FILIP1L: variants seen among roughly 807,000 people sequenced by gnomAD.
FILIP1L encodes the protein filamin A interacting protein 1 like.
FILIP1L carries 55 observed loss-of-function variants against 96.6 expected under a neutral mutation model. The ratio of observed to expected loss-of-function variants is 0.57; its 90% CI spans 0.46 to 0.71. The LOEUF (loss-of-function observed/expected upper bound fraction) is 0.71. Among genes scored for constraint, FILIP1L ranks in the 30% least tolerant of loss-of-function variants. The probability of loss-of-function intolerance (pLI) is 0.00; values close to 1 mark genes in which losing one functional copy is unlikely to be tolerated. For missense variants in FILIP1L, 1,304 were observed against 1,321.2 expected, an observed-to-expected ratio of 0.99 and a Z score of 0.20; for synonymous variants, 467 against 473.9, an observed-to-expected ratio of 0.99 and a Z score of 0.19.
intron 1 of FILIP1L, among the ~76,000 whole-genome samples, chr3:100,091,422 T>C (rs1576046623): frequency 6.6e-6 from 1 of 152,262 alleles, no homozygotes; most frequent in East Asian, 1.9e-4. Context: ...TTGGAAAGAC[T>C]CATGTTTTGT....
chr3:100,047,984 A>G (rs542608939), intron 1 of FILIP1L, among the ~76,000 whole-genome samples: 65 of 152,300 alleles, frequency 4.3e-4, no homozygotes, highest in African/African-American at 1.5e-3. Flanking sequence ...TAGTGTAAAT[A>G]TACCCTCCTA....
intron 1 of FILIP1L, among the ~76,000 whole-genome samples, chr3:100,076,695 G>C (rs1043137666): frequency 6.6e-6 from 1 of 152,150 alleles, no homozygotes; most frequent in Non-Finnish European, 1.5e-5. Flanking sequence ...CATGAATATT[G>C]TTTGACTTCA....
intron 1 of FILIP1L, among the ~76,000 whole-genome samples, chr3:100,062,087 C>A: frequency 1.3e-5 from 1 of 79,592 alleles, no homozygotes; most frequent in Non-Finnish European, 2.3e-5. Context: ...GTTATCCTGT[C>A]TTCTTCTTTT....
At chr3:99,973,939 G>A (rs114219857) in intron 1 of FILIP1L, among the ~76,000 whole-genome samples, 1,771 of 152,270 alleles carry the variant, frequency 0.012, 18 homozygotes, top group African/African-American at 0.026. Context: ...ATTGTTTTCT[G>A]TTTTATCCCA....
intron 1 of FILIP1L, among the ~76,000 whole-genome samples, chr3:100,112,743 C>T (rs1383616431): frequency 2.6e-5 from 4 of 152,154 alleles, no homozygotes; most frequent in African/African-American, 4.8e-5. Flanking sequence ...ACCTTAATTA[C>T]CCAGGTGGAA....
chr3:99,848,172 A>C, intron 5 of FILIP1L, 123 bp downstream of exon 5: 1 of 1,534,328 alleles, frequency 6.5e-7, no homozygotes, highest in Middle Eastern at 1.8e-4. Context: ...AACCTTCCCA[A>C]AGTACGAGTT....
chr3:99,904,210 G>A (rs372309481), intron 4 of FILIP1L, among the ~76,000 whole-genome samples: 2 of 152,192 alleles, frequency 1.3e-5, no homozygotes, highest in African/African-American at 2.4e-5. Flanking sequence ...ATAAACAAAG[G>A]TCTATAAGGG....
intron 1 of FILIP1L, among the ~76,000 whole-genome samples, chr3:100,094,382 T>A (rs1438721774): frequency 6.6e-6 from 1 of 152,164 alleles, no homozygotes; most frequent in Non-Finnish European, 1.5e-5. Flanking sequence ...ATCAAGATAT[T>A]ATTTTCATTC....
At chr3:99,936,650 G>T (rs558853417) in intron 1 of FILIP1L, among the ~76,000 whole-genome samples, 2 of 150,084 alleles carry the variant, frequency 1.3e-5, no homozygotes, top group East Asian at 4.0e-4. Flanking sequence ...GGGATTACAG[G>T]CATGAGCCAC....
At chr3:99,892,721 C>G (rs1706123379) in intron 4 of FILIP1L, among the ~76,000 whole-genome samples, 1 of 152,178 alleles carries the variant, frequency 6.6e-6, no homozygotes, top group Admixed American at 6.5e-5. Flanking sequence ...ATTCCTTACT[C>G]CATCTCACCC....
chr3:100,003,949 A>C (rs1189399994), intron 1 of FILIP1L, among the ~76,000 whole-genome samples: 1 of 152,198 alleles, frequency 6.6e-6, no homozygotes, highest in African/African-American at 2.4e-5. Context: ...GTATTCAATG[A>C]GTCTATGCCT....
chr3:100,060,471 G>A (rs551028345), intron 1 of FILIP1L, among the ~76,000 whole-genome samples: 85 of 151,778 alleles, frequency 5.6e-4, no homozygotes, highest in African/African-American at 1.5e-3. Flanking sequence ...TGAAATCAGA[G>A]CACATTAGAA....
At chr3:100,033,025 T>G (rs1021603382) in intron 1 of FILIP1L, among the ~76,000 whole-genome samples, 1 of 152,062 alleles carries the variant, frequency 6.6e-6, no homozygotes, top group Non-Finnish European at 1.5e-5. Context: ...TTAGTGTGGT[T>G]TCCACTCTAC....
At chr3:99,837,387 A>G (rs1443026603) in intron 5 of FILIP1L, among the ~76,000 whole-genome samples, 1 of 152,170 alleles carries the variant, frequency 6.6e-6, no homozygotes, top group Non-Finnish European at 1.5e-5. Context: ...GAACACCATG[A>G]AAAGGCATAA....
chr3:99,985,558 C>T (rs1437586398), intron 1 of FILIP1L, among the ~76,000 whole-genome samples: 6 of 151,936 alleles, frequency 3.9e-5, no homozygotes, highest in African/African-American at 1.5e-4. Flanking sequence ...TATTTCTCTT[C>T]AATCTTGTGA....
At chr3:99,929,816 T>G in intron 3 of FILIP1L, 40 bp downstream of exon 3, 1 of 1,500,312 alleles carries the variant, frequency 6.7e-7, no homozygotes, top group Middle Eastern at 1.9e-4. Context: ...GGCTAGTGCT[T>G]GGCTGCCTCC....
At chr3:99,959,598 G>C (rs1239749989) in intron 1 of FILIP1L, among the ~76,000 whole-genome samples, 2 of 152,042 alleles carry the variant, frequency 1.3e-5, no homozygotes, top group Non-Finnish European at 2.9e-5. Flanking sequence ...AATTTCTTTA[G>C]CAGTCTGATA....
At chr3:100,049,582 A>G (rs1575989143) in intron 1 of FILIP1L, among the ~76,000 whole-genome samples, 2 of 152,208 alleles carry the variant, frequency 1.3e-5, no homozygotes, top group East Asian at 3.9e-4. Context: ...GATAATAGTG[A>G]GAAACAGAAA....
At chr3:99,860,254 A>G (rs540084449) in intron 4 of FILIP1L, among the ~76,000 whole-genome samples, 73 of 152,326 alleles carry the variant, frequency 4.8e-4, no homozygotes, top group Non-Finnish European at 9.6e-4. Flanking sequence ...TATGGTAAAA[A>G]TGGTATACTG....
Sources: allele counts gnomAD v4.1 joint callset (sites outside exome capture counted in the v4.1 genomes callset), GRCh38; gene constraint gnomAD v4.1.1; transcripts MANE v1.5; gene names NCBI Gene and HGNC (gene_info 2026-07-23, HGNC 2026-07-21).